The following MAP3K4 variants were observed in gnomAD, a reference collection of about 807,000 sequenced individuals.
MAP3K4 encodes MAP three kinase 1.
In MAP3K4, 67 loss-of-function variants were observed where a neutral mutation model predicts 185.6. The ratio of observed to expected loss-of-function variants is 0.36; its 90% CI spans 0.30 to 0.44. MAP3K4 has a LOEUF of 0.44. MAP3K4 is among the 20% of genes least tolerant of loss of function. The pLI, the probability that MAP3K4 is intolerant of heterozygous loss-of-function variation, is 1.00. For synonymous variants in MAP3K4, 702 were observed against 710.4 expected, an observed-to-expected ratio of 0.99 and a Z score of 0.19; for missense variants, 1,551 against 1,995.1, an observed-to-expected ratio of 0.78 and a Z score of 4.24.
rs1382823430 is a variant in MAP3K4 at position 161,054,058 on chromosome 6, C to T, written c.1707+4079C>T. Among the ~76,000 whole-genome samples, 1 of 152,148 alleles carries T rather than the reference C, an allele frequency of 6.6e-6. No individual in the cohort carries two copies. Among genetic ancestry groups the T allele is most frequent in the Non-Finnish European group, 1.5e-5 (1 of 68,028 alleles). ...ACACGTGATGTTTGATTTTTCTTAT[C>T]TATGTCTTTATATATTTTTTGATTA... is the stretch of plus-strand genomic sequence containing the variant. On this transcript the variant is annotated intron_variant, in intron 3 of 26. Coordinates refer to ENST00000392142, the MANE Select transcript of MAP3K4 (RefSeq NM_005922.4). The surrounding 1 kb of genome is among the most constrained non-coding windows in gnomAD (Gnocchi z 4.2).
chr6:161,030,602 A>T (rs1222024698), intron 1 of MAP3K4, among the ~76,000 whole-genome samples: 6 of 151,830 alleles, frequency 4.0e-5, no homozygotes, highest in Non-Finnish European at 1.5e-5. Flanking sequence ...TTTTGTAGAG[A>T]TGGGGTTTTG....
chr6:161,101,790 A>G lies in MAP3K4; in HGVS notation c.3675-102A>G. The G allele has an allele frequency of 1.1e-6, 1 of 913,320 alleles. No individual in the cohort carries two copies. The highest frequency in any genetic ancestry group is 1.7e-6 in the Non-Finnish European group (1 of 585,696). 56.6% of individuals were successfully genotyped at this position (913,320 alleles called of 1,614,324 possible). ...AGGCAGAGTTGTTCCTGGCAGGCAG[A>G]GTTGCCCCCAGTTGAGAATTATTGC... On this transcript the variant is annotated intron_variant, in intron 17 of 26. Transcript: ENST00000392142. This position sits in a 1 kb window ranked among gnomAD's most constrained non-coding sequence, Gnocchi z 5.1.
chr6:161,079,068 G>A (rs373362367), intron 5 of MAP3K4, among the ~76,000 whole-genome samples: 5 of 151,342 alleles, frequency 3.3e-5, no homozygotes, highest in African/African-American at 1.2e-4. Flanking sequence ...ACAAAAATCA[G>A]CTGGGCATGG....
chr6:161,081,551 TCA>T (rs1374636324), intron 6 of MAP3K4, among the ~76,000 whole-genome samples: 2 of 152,194 alleles, frequency 1.3e-5, no homozygotes, highest in Non-Finnish European at 2.9e-5. Flanking sequence ...GTAGTGCTCA[TCA>T]CAGACTCTCT....
Position 161,111,844 on chromosome 6 carries a change from A to G in MAP3K4, c.4405A>G (p.Ile1469Val). Residue 1469 changes from isoleucine (I) to valine (V), a missense_variant, in exon 24 of 27, where the codon ATC becomes GTC. Around this residue, in one of 16 missense-constraint regions of MAP3K4, gnomAD observed 159 missense variants for 300.5 expected, o/e 0.53. Transcript: ENST00000392142. Reference sequence around the variant, plus strand: ...ACTTCTTTTCTTTTTAGGTGCCAATATCTTCCTTACCTCATCTGGATTAAT... The same window carrying G: ...ACTTCTTTTCTTTTTAGGTGCCAATGTCTTCCTTACCTCATCTGGATTAAT... ...IVHRDIKGAN[I>V]FLTSSGLIKL... is the part of the protein sequence containing the mutation. The G allele has an allele frequency of 6.2e-7, 1 of 1,612,806 alleles. No homozygotes were observed. Among genetic ancestry groups the G allele is most frequent in the Non-Finnish European group, 8.5e-7 (1 of 1,179,390 alleles).
chr6:161,027,249 A>G (rs1416540625), intron 1 of MAP3K4, among the ~76,000 whole-genome samples: 2 of 152,210 alleles, frequency 1.3e-5, no homozygotes, highest in African/African-American at 2.4e-5. Context: ...CAATTGAACT[A>G]TATACTTAAC....
Position 161,106,101 on chromosome 6 carries a change from G to T in MAP3K4, c.3857-413G>T, listed in dbSNP as rs1054833432. 6.6e-6 allele frequency among the ~76,000 whole-genome samples: 1 copy of T among 152,084 alleles called. No homozygotes were observed. Among genetic ancestry groups the T allele is most frequent in the African/African-American group, 2.4e-5 (1 of 41,418 alleles). Reference sequence around the variant, plus strand: ...ATCTGCCCACCTCACCTCCCAAAGTGCTGGGATTACAAGAATGAGTCACTG... The same window carrying T: ...ATCTGCCCACCTCACCTCCCAAAGTTCTGGGATTACAAGAATGAGTCACTG... On this transcript the variant is annotated intron_variant, in intron 19 of 26. Transcript: ENST00000392142. This position sits in a 1 kb window ranked among gnomAD's most constrained non-coding sequence, Gnocchi z 4.9.
Position 161,073,411 on chromosome 6 carries a change from CG to C in MAP3K4, c.1951-53del, listed in dbSNP as rs1583197086. 6.8e-7 allele frequency: 1 copy of C among 1,479,190 alleles called. No homozygotes were observed. Among genetic ancestry groups the C allele is most frequent in the Non-Finnish European group, 9.0e-7 (1 of 1,110,754 alleles). The allele number at this position is 1,479,190 out of a possible 1,614,324, so 91.6% of individuals were successfully genotyped here. ...GATTTAAGTAGGAAGATATAAAACA[CG>C]GATCGTCTGGTTGGAGTTTATGGCT... On this transcript the variant is annotated intron_variant, in intron 4 of 26. Coordinates refer to ENST00000392142, the MANE Select transcript of MAP3K4 (RefSeq NM_005922.4). This position sits in a 1 kb window ranked among gnomAD's most constrained non-coding sequence, Gnocchi z 4.2.
At chr6:161,009,119 G>A (rs1781731822) in intron 1 of MAP3K4, among the ~76,000 whole-genome samples, 1 of 151,820 alleles carries the variant, frequency 6.6e-6, no homozygotes, top group Non-Finnish European at 1.5e-5. Context: ...CTAGTAGCTG[G>A]GACTACAGGT....
intron 1 of MAP3K4, among the ~76,000 whole-genome samples, chr6:161,003,275 A>G (rs547077354): frequency 5.2e-5 from 1 of 19,340 alleles, no homozygotes; most frequent in African/African-American, 2.3e-4. Context: ...ACAAAAGCAT[A>G]TTCTAAATTG....
chr6:161,039,702 TG>T lies in MAP3K4; in HGVS notation c.343+5254del, dbSNP rs202062446. ...AAACATTGGTACTAAGAAGAATGCCTGTAAATAAGCTCTTAGTTTTGTAAAG... is the reference window on the plus strand; with the variant it reads ...AAACATTGGTACTAAGAAGAATGCCTTAAATAAGCTCTTAGTTTTGTAAAG... On this transcript the variant is annotated intron_variant, in intron 2 of 26. Transcript: ENST00000392142. 3.8e-3 allele frequency among the ~76,000 whole-genome samples: 580 copies of T among 152,312 alleles called. 6 individuals carry two copies. The highest frequency in any genetic ancestry group is 0.013 in the African/African-American group (542 of 41,566).
rs1037140926 is a variant in MAP3K4 at position 161,090,252 on chromosome 6, G to T, written c.2973+781G>T. Among the ~76,000 whole-genome samples, 4 of 152,210 alleles carry T rather than the reference G, an allele frequency of 2.6e-5. No homozygotes were observed. The East Asian group carries it at 7.7e-4, about 29-fold the overall frequency. ...GAATATTTTGTAACCATAGTAAGGG[G>T]ATTGCCTGATGGAGACCTTGTGTGC... On this transcript the variant is annotated intron_variant, in intron 11 of 26. Transcript: ENST00000392142.
chr6:161,003,941 TAA>T (rs5881385), intron 1 of MAP3K4, among the ~76,000 whole-genome samples: 111,065 of 151,260 alleles, frequency 0.73, 41,872 homozygotes, highest in Non-Finnish European at 0.82. Flanking sequence ...TTCTTGAAAA[TAA>T]GAGTTAATCT....
In MAP3K4 at chr6:161,115,105, T is replaced by A. The variant is rs1562552024; in HGVS notation, c.4627-18T>A. The A allele has an allele frequency of 1.8e-5, 29 of 1,592,046 alleles. No homozygotes were observed. Among genetic ancestry groups the A allele is most frequent in the Non-Finnish European group, 2.2e-5 (26 of 1,166,884 alleles). ...TGTGTAATATTAAAATCTGATTTTT[T>A]AAAAACATCTTTTTTAGAGGCCTTG... On this transcript the variant is annotated intron_variant, in intron 25 of 26. Coordinates refer to ENST00000392142, the MANE Select transcript of MAP3K4 (RefSeq NM_005922.4). This position sits in a 1 kb window ranked among gnomAD's most constrained non-coding sequence, Gnocchi z 6.0.
At chr6:161,012,958 TTTC>T (rs1583106994) in intron 1 of MAP3K4, among the ~76,000 whole-genome samples, 1 of 152,182 alleles carries the variant, frequency 6.6e-6, no homozygotes, top group African/African-American at 2.4e-5. Context: ...TTACTACCAG[TTTC>T]TTCTTCTAGA....
chr6:161,102,800 G>GT (rs1777892100), intron 19 of MAP3K4, 21 bp downstream of exon 19: 1 of 453,830 alleles, frequency 2.2e-6, no homozygotes, highest in Non-Finnish European at 3.6e-6. Flanking sequence ...GAGTGTTGAA[G>GT]TTAAAAAAAA....
chr6:161,042,149 G>T (rs1783496808), intron 2 of MAP3K4, among the ~76,000 whole-genome samples: 1 of 151,864 alleles, frequency 6.6e-6, no homozygotes, highest in Admixed American at 6.6e-5. Context: ...GCTGGCTAAG[G>T]ACTTGAATTA....
In MAP3K4 at chr6:161,054,661, A is replaced by T. The variant is rs1446832566; in HGVS notation, c.1707+4682A>T. Among the ~76,000 whole-genome samples the T allele has an allele frequency of 6.6e-6, 1 of 152,242 alleles. No individual in the cohort carries two copies. Among genetic ancestry groups the T allele is most frequent in the Non-Finnish European group, 1.5e-5 (1 of 68,036 alleles). ...CCTCAGGACACATTTCTAGTTACATAGGCAGTCTCTAATTGAAACAAATGG... is the reference window on the plus strand; with the variant it reads ...CCTCAGGACACATTTCTAGTTACATTGGCAGTCTCTAATTGAAACAAATGG... On this transcript the variant is annotated intron_variant, in intron 3 of 26. Transcript: ENST00000392142. The surrounding 1 kb of genome is among the most constrained non-coding windows in gnomAD (Gnocchi z 4.2).
At chr6:161,052,020 G>A (rs1784023118) in intron 3 of MAP3K4, among the ~76,000 whole-genome samples, 1 of 152,060 alleles carries the variant, frequency 6.6e-6, no homozygotes, top group Non-Finnish European at 1.5e-5. Context: ...ATCTGCGGAT[G>A]CATATCCCAG....
Sources: gnomAD v4.1 joint callset for allele counts (sites outside exome capture counted in the v4.1 genomes callset) on GRCh38, gnomAD v4.1.1 for gene constraint, gnomAD v4.1.1 regional missense constraint, Gnocchi (gnomAD v3.1) non-coding constraint, MANE v1.5 for transcripts, NCBI Gene and HGNC (gene_info 2026-07-23, HGNC 2026-07-21) for gene names.